The following NUP210 variants were observed in gnomAD, a reference collection of about 807,000 sequenced individuals.
NUP210 encodes the protein nuclear pore membrane glycoprotein 210.
A neutral mutation model predicts 196.0 loss-of-function variants in NUP210; 151 were observed. The observed-to-expected ratio is 0.77, with a 90% CI of 0.67 to 0.88. The LOEUF (loss-of-function observed/expected upper bound fraction) is 0.88. Ranked by LOEUF, NUP210 falls within the 40% of genes least tolerant of loss-of-function variation. The pLI is 0.00. For missense variants in NUP210, 2,314 were observed against 2,493.7 expected, an observed-to-expected ratio of 0.93 and a Z score of 1.53; for synonymous variants, 1,070 against 1,052.7, an observed-to-expected ratio of 1.02 and a Z score of -0.32.
rs751057435 is a variant in NUP210 at position 13,337,908 on chromosome 3, G to A, written c.3481C>T (p.Gln1161Ter). The A allele has an allele frequency of 3.1e-6, 5 of 1,612,724 alleles. No homozygotes were observed. ...GCCCTTAGCAGCAGCACCTCCACCT[G>A]CACGAGGTCCTGGGGAAACAGGGTG... is the stretch of plus-strand genomic sequence containing the variant. The part of the protein sequence containing the change: ...KVVIISQDLV[Q>*]VEVLLLRAVR... Residue 1161 changes from glutamine (Q) to a stop codon, truncating the protein, a stop_gained, in exon 26 of 40, where the codon CAG (glutamine) becomes TAG (stop). Coordinates refer to ENST00000254508, the MANE Select transcript of NUP210 (RefSeq NM_024923.4). LOFTEE classifies it high-confidence loss of function.
intron 14 of NUP210, 36 bp downstream of exon 14, chr3:13,365,910 G>A (rs1698512905): frequency 3.1e-6 from 5 of 1,610,988 alleles, no homozygotes; most frequent in Non-Finnish European, 3.4e-6. Flanking sequence ...GAAGGAGTGG[G>A]CAGGGGGGTG....
intron 16 of NUP210, among the ~76,000 whole-genome samples, chr3:13,356,588 A>G (rs1698179803): frequency 6.6e-6 from 1 of 152,212 alleles, no homozygotes; most frequent in Non-Finnish European, 1.5e-5. Context: ...GGTTGCAGTG[A>G]GCCGAGATTG....
chr3:13,319,235 A>C lies in NUP210; in HGVS notation c.5474T>G (p.Ile1825Ser), dbSNP rs1268098196. Reference protein sequence around the residue: ...FALLAGTAVMIIAYHTVCTPR... With the variant: ...FALLAGTAVMSIAYHTVCTPR... ...GATACAGGCAGCCTCCTCACCTATG[A>C]TCATGACCGCTGTCCCAGCCAACAG... The change falls in exon 38 of 40, where the codon ATC (isoleucine) becomes AGC (serine). Residue 1825 changes from isoleucine to serine, a missense_variant. Ile to Ser is a moderately radical substitution (Grantham distance 142). Coordinates refer to ENST00000254508, the MANE Select transcript of NUP210 (RefSeq NM_024923.4). 1 of 1,613,092 alleles carries C rather than the reference A, an allele frequency of 6.2e-7. No homozygotes were observed. The highest frequency in any genetic ancestry group is 8.5e-7 in the Non-Finnish European group (1 of 1,179,596).
At chr3:13,415,524 C>G (rs1700319513) in intron 1 of NUP210, among the ~76,000 whole-genome samples, 2 of 152,190 alleles carry the variant, frequency 1.3e-5, no homozygotes, top group Admixed American at 1.3e-4. Context: ...GGGGATGCAG[C>G]ATGCACACAA....
rs1438565725 is a variant in NUP210, at chr3:13,379,458, A to C, written c.976+105T>G. 2.1e-6 allele frequency: 3 copies of C among 1,396,130 alleles called. No homozygotes were observed. In the East Asian group the frequency reaches 6.8e-5, roughly 32 times the overall value. The allele number at this position is 1,396,130 out of a possible 1,614,324, so 86.5% of individuals were successfully genotyped here. On this transcript the variant is annotated intron_variant, in intron 7 of 39. Coordinates refer to ENST00000254508, the MANE Select transcript of NUP210 (RefSeq NM_024923.4). The surrounding 1 kb of genome is among the most constrained non-coding windows in gnomAD (Gnocchi z 4.2). ...TTCTGATTTTCAGACCGTTGAGGGG[A>C]AACGGCTATTTTTAGCCCTGCCGAG...
chr3:13,358,116 G>A, intron 16 of NUP210, 106 bp downstream of exon 16: 1 of 995,286 alleles, frequency 1.0e-6, no homozygotes, highest in Non-Finnish European at 1.5e-6. Context: ...AGTGCAGCGT[G>A]GAGCTATGTC....
chr3:13,318,478 C>T (rs571214992), intron 39 of NUP210, among the ~76,000 whole-genome samples: 2 of 152,242 alleles, frequency 1.3e-5, no homozygotes, highest in East Asian at 1.9e-4. Flanking sequence ...GACACGAGCT[C>T]GAGGACTCTT....
intron 1 of NUP210, among the ~76,000 whole-genome samples, chr3:13,411,102 C>T (rs893920290): frequency 6.6e-6 from 1 of 151,768 alleles, no homozygotes; most frequent in Non-Finnish European, 1.5e-5. Flanking sequence ...CGTGGTGGCT[C>T]ACATCTATAG....
At chr3:13,386,536 T>G in intron 5 of NUP210, 129 bp from the exon 6 acceptor site, 113 of 1,125,562 alleles carry the variant, frequency 1.0e-4, no homozygotes, top group Non-Finnish European at 1.2e-4. Flanking sequence ...CAAGATATCA[T>G]TCCCAAATCC....
chr3:13,409,689 C>T (rs150505685), intron 1 of NUP210, among the ~76,000 whole-genome samples: 1 of 152,172 alleles, frequency 6.6e-6, no homozygotes, highest in East Asian at 1.9e-4. Flanking sequence ...GGTCTGGACA[C>T]TCTCCTGCTC....
At chr3:13,407,139 A>G (rs1278514673) in intron 1 of NUP210, among the ~76,000 whole-genome samples, 1 of 152,176 alleles carries the variant, frequency 6.6e-6, no homozygotes, top group Non-Finnish European at 1.5e-5. Context: ...GGGATAATAT[A>G]TATCAAGCTC....
chr3:13,396,512 C>G (rs1159194820), intron 3 of NUP210, among the ~76,000 whole-genome samples: 3 of 151,006 alleles, frequency 2.0e-5, no homozygotes, highest in African/African-American at 7.3e-5. Flanking sequence ...CTTTGGGAGG[C>G]TAAGCCGGGT....
chr3:13,343,438 C>T, intron 20 of NUP210, 135 bp from the exon 21 acceptor site: 1 of 1,152,660 alleles, frequency 8.7e-7, no homozygotes, highest in Non-Finnish European at 1.2e-6. Flanking sequence ...GTGGCAGAGC[C>T]CGCCAGGCCA....
intron 15 of NUP210, among the ~76,000 whole-genome samples, chr3:13,359,638 T>C (rs1477599424): frequency 6.6e-6 from 1 of 152,164 alleles, no homozygotes; most frequent in Admixed American, 6.5e-5. Flanking sequence ...GCTTCCTGCC[T>C]TGGAAACAGA....
At chr3:13,362,073 A>C (rs865792245) in intron 14 of NUP210, among the ~76,000 whole-genome samples, 1 of 152,156 alleles carries the variant, frequency 6.6e-6, no homozygotes, top group Non-Finnish European at 1.5e-5. Context: ...AAGGAGCTTC[A>C]TGGCCTGAGA....
At chr3:13,412,541 C>T (rs1700211974) in intron 1 of NUP210, among the ~76,000 whole-genome samples, 1 of 151,902 alleles carries the variant, frequency 6.6e-6, no homozygotes, top group Admixed American at 6.5e-5. Flanking sequence ...TGGCGAAATC[C>T]CGTTTCTACT....
At position 13,348,031 on chromosome 3, in the gene NUP210, C is replaced by T. The variant is rs887793467; in HGVS notation, c.2835+3848G>A. 1.3e-5 allele frequency among the ~76,000 whole-genome samples: 2 copies of T among 152,210 alleles called. No homozygotes were observed. Among genetic ancestry groups the T allele is most frequent in the Non-Finnish European group, 2.9e-5 (2 of 68,032 alleles). ...CTGCTTGCCATAGGGGAGACTCGTC[C>T]CGGGTCCTGCCTGCAATGGGCACTC... On this transcript the variant is annotated intron_variant, in intron 20 of 39. Transcript: ENST00000254508. The surrounding 1 kb of genome is among the most constrained non-coding windows in gnomAD (Gnocchi z 4.0).
rs1696427750 is a variant in NUP210 at position 13,319,624 on chromosome 3, C to T, written c.5383+139G>A. The T allele has an allele frequency of 5.3e-6, 4 of 751,846 alleles. No individual in the cohort carries two copies. The Admixed American group carries it at 8.9e-5, about 17-fold the overall frequency. 46.6% of individuals were successfully genotyped at this position (751,846 alleles called of 1,614,324 possible). A position where few individuals can be genotyped will look rare whatever the true frequency, so the allele number is the denominator to read the frequency against. ...AAGCCTGCATCATGGCCCCAATGAG[C>T]AGCGATCACTTTGAGGGACATTCTG... On this transcript the variant is annotated intron_variant, in intron 37 of 39. Transcript: ENST00000254508.
rs769332454 is a variant in NUP210 at position 13,319,343 on chromosome 3, A to T, written c.5384-18T>A. On this transcript the variant is annotated intron_variant, in intron 37 of 39. Transcript: ENST00000254508. ...GGCTCCATCTGCCATCAATGGGAAG[A>T]TGAGTTACCAAAACCACCAGGCCCA... 12 of 1,592,384 alleles carry T rather than the reference A, an allele frequency of 7.5e-6. No individual in the cohort carries two copies. The East Asian group carries it at 9.0e-5, about 12-fold the overall frequency.
Sources: allele counts gnomAD v4.1 joint callset (sites outside exome capture counted in the v4.1 genomes callset), GRCh38; gene constraint gnomAD v4.1.1; non-coding constraint Gnocchi (gnomAD v3.1); transcripts MANE v1.5; gene names NCBI Gene and HGNC (gene_info 2026-07-23, HGNC 2026-07-21).